The following CLBA1 variants were observed in gnomAD, a reference collection of about 807,000 sequenced individuals.
CLBA1 encodes clathrin binding box of aftiphilin containing 1.
CLBA1 carries 30 observed loss-of-function variants against 28.8 expected under a neutral mutation model. The observed-to-expected ratio is 1.04, with a 90% CI of 0.78 to 1.41. The LOEUF is 1.41. CLBA1 is among the 40% of genes most tolerant of loss of function. CLBA1 has a pLI of 0.00. For missense variants in CLBA1, 451 were observed against 412.3 expected, an observed-to-expected ratio of 1.09 and a Z score of -0.81; for synonymous variants, 160 against 152.8, an observed-to-expected ratio of 1.05 and a Z score of -0.35.
chr14:104,987,137 G>C (rs1391982106), intron 1 of CLBA1, among the ~76,000 whole-genome samples: 2 of 152,270 alleles, frequency 1.3e-5, no homozygotes, highest in Non-Finnish European at 2.9e-5. Flanking sequence ...CCCCCAGCCT[G>C]TCCATTCCCC....
At chr14:104,988,359 GTCTC>G (rs1163569239) in intron 1 of CLBA1, among the ~76,000 whole-genome samples, 3 of 147,486 alleles carry the variant, frequency 2.0e-5, no homozygotes, top group Non-Finnish European at 4.5e-5. Context: ...TTGAGACGGA[GTCTC>G]TCTCTGTCAC....
chr14:104,997,541 C>G (rs1047101038), downstream of CLBA1, among the ~76,000 whole-genome samples: 18 of 152,154 alleles, frequency 1.2e-4, no homozygotes, highest in Non-Finnish European at 8.8e-5. Context: ...TGGAGAAAAC[C>G]GTACCTGAAC....
chr14:104,996,199 C>T (rs1900152464), downstream of CLBA1, among the ~76,000 whole-genome samples: 1 of 152,146 alleles, frequency 6.6e-6, no homozygotes, highest in Admixed American at 6.5e-5. Context: ...ACCTCAGAAG[C>T]AACAGGTTCC....
At chr14:105,000,810 A>G (rs1301358155) in intron 2 of CLBA1, among the ~76,000 whole-genome samples, 1 of 152,144 alleles carries the variant, frequency 6.6e-6, no homozygotes, top group Non-Finnish European at 1.5e-5. Context: ...AGTGTAAAGT[A>G]GTACCGCCGC....
Position 104,988,921 on chromosome 14 carries a change from GCTTTT to G in CLBA1, c.424-18_424-14del, listed in dbSNP as rs753160074. ...TATGTCTTTCTCCTAACTTTGGTAT[GCTTTT>G]CTTCTTTTCTTTTCAGCCCATTCTC... is the stretch of plus-strand genomic sequence containing the variant. On this transcript the variant is annotated splice_polypyrimidine_tract_variant and intron_variant, in intron 1 of 4. Transcript: ENST00000547315. The G allele has an allele frequency of 6.3e-7, 1 of 1,584,048 alleles. No individual in the cohort carries two copies. Among genetic ancestry groups the G allele is most frequent in the Non-Finnish European group, 8.6e-7 (1 of 1,164,118 alleles).
chr14:104,996,748 C>T (rs1430353072), downstream of CLBA1, among the ~76,000 whole-genome samples: 2 of 152,252 alleles, frequency 1.3e-5, no homozygotes, highest in East Asian at 3.8e-4. Context: ...GACACACAGG[C>T]TGATGTCCAG....
intron 3 of CLBA1, among the ~76,000 whole-genome samples, chr14:104,992,664 G>A (rs2140898456): frequency 6.6e-6 from 1 of 152,340 alleles, no homozygotes; most frequent in African/African-American, 2.4e-5. Flanking sequence ...GGCCAGCTCC[G>A]AGTGGCGGCA....
chr14:104,987,606 C>CT (rs869117577), intron 1 of CLBA1, among the ~76,000 whole-genome samples: 11,837 of 59,318 alleles, frequency 0.2, 2,822 homozygotes, highest in Non-Finnish European at 0.28. Flanking sequence ...TCTTCCTTTT[C>CT]TTTTTTTTTT....
chr14:104,998,922 G>A (rs376673325), downstream of CLBA1, among the ~76,000 whole-genome samples: 9 of 152,376 alleles, frequency 5.9e-5, no homozygotes, highest in African/African-American at 2.2e-4. Flanking sequence ...TGGAGGACCA[G>A]ACCCAAGAGG....
At chr14:105,000,662 A>G (rs997186245) in intron 2 of CLBA1, among the ~76,000 whole-genome samples, 3 of 152,176 alleles carry the variant, frequency 2.0e-5, no homozygotes, top group African/African-American at 2.4e-5. Context: ...CCAATGCTCC[A>G]TATCAGTAAT....
Position 104,995,411 on chromosome 14 carries a change from G to C in CLBA1, c.*652G>C, listed in dbSNP as rs563363546. On this transcript the variant is annotated 3_prime_UTR_variant, in exon 5 of 5. Coordinates refer to ENST00000547315, the MANE Select transcript of CLBA1 (RefSeq NM_174891.4). ...TGCGAGAGCCTCTGGTGGGCCCGTG[G>C]CTTCCCCCAGTTATCTGCTAAGGAA... 39 of 985,314 alleles carry C rather than the reference G, an allele frequency of 4.0e-5. No individual in the cohort carries two copies. Among genetic ancestry groups the C allele is most frequent in the Non-Finnish European group, 4.2e-5 (35 of 829,936 alleles). The allele number at this position is 985,314 out of a possible 1,614,324, so 61.0% of individuals were successfully genotyped here.
chr14:104,990,720 T>G, intron 2 of CLBA1: 1 of 152,580 alleles, frequency 6.6e-6, no homozygotes. Context: ...GGTTTGCTCA[T>G]TTGTTCTCCT....
chr14:104,987,634 T>A (rs959809176), intron 1 of CLBA1, among the ~76,000 whole-genome samples: 8 of 116,266 alleles, frequency 6.9e-5, no homozygotes, highest in Non-Finnish European at 1.4e-4. Flanking sequence ...TTTTTTTTTT[T>A]TTTGAGACAG....
Position 104,992,967 on chromosome 14 carries a change from GC to G in CLBA1, c.721del (p.His241ThrfsTer28). ...AAQKNLSGGQ[G>X]HIMEDCDLKE... ...CCTTAGAACCTTTCTGGAGGCCAGG[GC>G]CACATCATGGAAGATTGTGACCTCA... On this transcript the variant is annotated frameshift_variant, in exon 4 of 5. Coordinates refer to ENST00000547315, the MANE Select transcript of CLBA1 (RefSeq NM_174891.4). LOFTEE classifies it high-confidence loss of function. 2 of 1,614,028 alleles carry G rather than the reference GC, an allele frequency of 1.2e-6. No individual in the cohort carries two copies. Among genetic ancestry groups the G allele is most frequent in the Non-Finnish European group, 1.7e-6 (2 of 1,179,906 alleles).
In CLBA1 at chr14:104,995,055, TG is replaced by T. The variant is rs1201530452; in HGVS notation, c.*302del. ...CCATGTGAATGCTGCTGGCACCTGG[TG>T]GGGGGTTGCCCAGGGATGGACCCTG... On this transcript the variant is annotated 3_prime_UTR_variant, in exon 5 of 5. Transcript: ENST00000547315. 2.8e-6 allele frequency: 3 copies of T among 1,059,246 alleles called. No homozygotes were observed. The highest frequency in any genetic ancestry group is 3.4e-6 in the Non-Finnish European group (3 of 877,538). The allele number at this position is 1,059,246 out of a possible 1,614,324, so 65.6% of individuals were successfully genotyped here.
rs758389152 is a variant in CLBA1 at position 104,994,701 on chromosome 14, A to C, written c.920A>C (p.Lys307Thr). 1 of 1,614,030 alleles carries C rather than the reference A, an allele frequency of 6.2e-7. No individual in the cohort carries two copies. The highest frequency in any genetic ancestry group is 8.5e-7 in the Non-Finnish European group (1 of 1,179,922). ...GGGQHITIPR[K>T]RMFTPRKLKL... ...GGCCAGCACATCACTATTCCAAGGA[A>C]AAGGATGTTCACTCCACGCAAGCTC... is the stretch of plus-strand genomic sequence containing the variant. Residue 307 changes from lysine to threonine, a missense_variant, in exon 5 of 5, where the codon AAA (lysine) becomes ACA (threonine). Physicochemically the swap from Lys to Thr is moderately conservative, Grantham distance 78. Coordinates refer to ENST00000547315, the MANE Select transcript of CLBA1 (RefSeq NM_174891.4).
chr14:104,993,152 G>T (rs1900085298), intron 4 of CLBA1, 88 bp downstream of exon 4: 2 of 1,541,574 alleles, frequency 1.3e-6, no homozygotes, highest in Non-Finnish European at 8.7e-7. Flanking sequence ...ATGTGAGTCA[G>T]TTGCTTGTTT....
intron 3 of CLBA1, 125 bp downstream of exon 3, chr14:104,991,745 A>C (rs1481909353): frequency 3.3e-6 from 4 of 1,201,284 alleles, no homozygotes; most frequent in Non-Finnish European, 4.6e-6. Context: ...GGTTAAAGCC[A>C]CTAGGTGGCC....
In CLBA1 at chr14:104,986,440, C is replaced by A. The variant is rs780882087; in HGVS notation, c.9C>A (p.Gly3=). 2 of 1,612,122 alleles carry A rather than the reference C, an allele frequency of 1.2e-6. No homozygotes were observed. The highest frequency in any genetic ancestry group is 2.7e-5 in the African/African-American group (2 of 74,926). The part of the protein sequence containing the change: MQ[G]RRELGGEPLS... ...GGCCTGGGGGCTCCAAGATGCAAGG[C>A]CGGCGGGAGCTGGGGGGAGAGCCTT... Residue 3 remains glycine, a synonymous_variant, in exon 1 of 5, where the codon GGC becomes GGA. Coordinates refer to ENST00000547315, the MANE Select transcript of CLBA1 (RefSeq NM_174891.4).
Sources: gnomAD v4.1 joint callset for allele counts (sites outside exome capture counted in the v4.1 genomes callset) on GRCh38, gnomAD v4.1.1 for gene constraint, MANE v1.5 for transcripts, NCBI Gene and HGNC (gene_info 2026-07-23, HGNC 2026-07-21) for gene names.